NCOR2: variants seen among roughly 807,000 people sequenced by gnomAD.
NCOR2 encodes CTG repeat protein 26.
A neutral mutation model predicts 262.9 loss-of-function variants in NCOR2; 81 were observed. The ratio of observed to expected loss-of-function variants is 0.31; its 90% confidence interval spans 0.26 to 0.37. The LOEUF is 0.37. Among genes scored for constraint, NCOR2 ranks in the 10% least tolerant of loss-of-function variants. NCOR2 has a pLI of 1.00. For synonymous variants in NCOR2, 1,659 were observed against 1,559.3 expected, an observed-to-expected ratio of 1.06 and a Z score of -1.51; for missense variants, 3,385 against 3,621.4, an observed-to-expected ratio of 0.93 and a Z score of 1.68.
exon 24 of NCOR2, chr12:124,355,516 T>A: frequency 6.2e-7 from 1 of 1,606,032 alleles, no homozygotes; most frequent in South Asian, 1.1e-5. Context: ...AGATGGTGGG[T>A]GGGCGCGGCA....
chr12:124,364,563 G>A (rs1276530316), intron 20 of NCOR2, among the ~76,000 whole-genome samples: 2 of 152,214 alleles, frequency 1.3e-5, no homozygotes, highest in Non-Finnish European at 2.9e-5. Context: ...ACCAGAGGCC[G>A]ACACAGGGTA....
At chr12:124,448,834 TG>T (rs2045349505) in intron 7 of NCOR2, among the ~76,000 whole-genome samples, 1 of 152,182 alleles carries the variant, frequency 6.6e-6, no homozygotes, top group Non-Finnish European at 1.5e-5. Context: ...CAGGAACGCT[TG>T]AACAATCGGA....
At chr12:124,343,173 G>C in exon 33 of NCOR2, 1 of 1,609,986 alleles carries the variant, frequency 6.2e-7, no homozygotes, top group Non-Finnish European at 8.5e-7. Flanking sequence ...GCGATCTCAC[G>C]AGGCGTCGAC....
At chr12:124,339,469 G>A (rs185877707) in intron 37 of NCOR2, among the ~76,000 whole-genome samples, 16 of 85,470 alleles carry the variant, frequency 1.9e-4, no homozygotes, top group South Asian at 4.5e-4. Context: ...CCTACCTAAC[G>A]TGACCACCCA....
chr12:124,409,236 T>G (rs1428500564), intron 13 of NCOR2, among the ~76,000 whole-genome samples: 1 of 152,242 alleles, frequency 6.6e-6, no homozygotes, highest in South Asian at 2.1e-4. Context: ...CAGTCCCTGC[T>G]CCTGCTCTGA....
intron 5 of NCOR2, among the ~76,000 whole-genome samples, chr12:124,464,700 C>CCCCTTTAGT (rs1449380135): frequency 1.1e-4 from 16 of 152,316 alleles, no homozygotes; most frequent in African/African-American, 3.4e-4. Context: ...TAGGAAATTA[C>CCCCTTTAGT]CCCTTTAGTC....
intron 1 of NCOR2, among the ~76,000 whole-genome samples, chr12:124,533,950 T>C (rs1259262843): frequency 1.3e-5 from 2 of 148,660 alleles, no homozygotes; most frequent in Non-Finnish European, 3.0e-5. Flanking sequence ...TTTTTTTTAG[T>C]TCATCAGCTA....
chr12:124,375,502 A>G (rs1158757958), intron 18 of NCOR2, among the ~76,000 whole-genome samples: 1 of 152,040 alleles, frequency 6.6e-6, no homozygotes, highest in Admixed American at 6.6e-5. Context: ...CCCAGGGAAC[A>G]CTCTGCCACC....
At position 124,528,500 on chromosome 12, in the gene NCOR2, TC is replaced by T. The variant is rs781750351; in HGVS notation, c.-118+7064del. ...TGCTCCTCCCTTGCCCCAAAATAGCTCCCCGGAAGGCAGGTGTGGTTTTGCC... is the reference window on the plus strand; with the variant it reads ...TGCTCCTCCCTTGCCCCAAAATAGCTCCCGGAAGGCAGGTGTGGTTTTGCC... On this transcript the variant is annotated intron_variant, in intron 1 of 46. Coordinates refer to the NCOR2 transcript ENST00000404621. 3.3e-4 allele frequency among the ~76,000 whole-genome samples: 50 copies of T among 151,914 alleles called. 1 individual carries two copies. Among genetic ancestry groups the T allele is most frequent in the Non-Finnish European group, 4.9e-4 (33 of 67,978 alleles).
exon 9 of NCOR2, chr12:124,430,674 G>A (rs2043860036): frequency 6.2e-7 from 1 of 1,613,996 alleles, no homozygotes; most frequent in Non-Finnish European, 8.5e-7. Context: ...GCTTCTCGTA[G>A]TACTCGCGCA....
intron 20 of NCOR2, among the ~76,000 whole-genome samples, chr12:124,367,112 A>C (rs1000004914): frequency 2.0e-5 from 3 of 152,206 alleles, no homozygotes; most frequent in Non-Finnish European, 4.4e-5. Flanking sequence ...TGTCCCATGC[A>C]GTCTGCCCGA....
intron 3 of NCOR2, among the ~76,000 whole-genome samples, chr12:124,476,483 G>A (rs894162333): frequency 6.6e-6 from 1 of 152,168 alleles, no homozygotes; most frequent in Non-Finnish European, 1.5e-5. Flanking sequence ...AGGGCTATGG[G>A]GGCCAGGCCA....
rs1166427435 is a variant in NCOR2 at position 124,476,852 on chromosome 12, G to GC, written c.412-3722dup. 3.3e-5 allele frequency among the ~76,000 whole-genome samples: 5 copies of GC among 150,994 alleles called. No individual in the cohort carries two copies. The South Asian group carries it at 6.3e-4, about 19-fold the overall frequency. ...AGGCCGAGGCAGGAGGATTGCTTGAGCCCAGGAGTTCAAGACCGCCTGGGC... is the reference window on the plus strand; with the variant it reads ...AGGCCGAGGCAGGAGGATTGCTTGAGCCCCAGGAGTTCAAGACCGCCTGGGC... On this transcript the variant is annotated intron_variant, in intron 3 of 46. Transcript: ENST00000405201.
chr12:124,425,913 G>A (rs562062334), intron 11 of NCOR2, among the ~76,000 whole-genome samples: 3 of 152,294 alleles, frequency 2.0e-5, no homozygotes, highest in African/African-American at 7.2e-5. Flanking sequence ...AGGGACAGGA[G>A]GGGGAAAATG....
rs749177048 is a variant in NCOR2 at position 124,335,559 on chromosome 12, G to A, written c.6189C>T (p.His2063=). ...CCAGGTGCTTGGGGAGCCCCTTGTC[G>A]TGGGTCAGACTGGGTGAGCTCACAG... is the stretch of plus-strand genomic sequence containing the variant. Residue 2063 remains histidine, a synonymous_variant, in exon 39 of 47, where the codon CAC becomes CAT. Coordinates refer to ENST00000405201, the Ensembl canonical transcript of NCOR2. 1.9e-5 allele frequency: 30 copies of A among 1,609,416 alleles called. No individual in the cohort carries two copies. The East Asian group carries it at 4.5e-4, about 24-fold the overall frequency.
chr12:124,487,515 C>A (rs973331707), intron 1 of NCOR2, among the ~76,000 whole-genome samples: 3 of 152,234 alleles, frequency 2.0e-5, no homozygotes, highest in Non-Finnish European at 4.4e-5. Flanking sequence ...CTTGGCCTTG[C>A]GGGGCTCTGC....
rs200244806 is a variant in NCOR2 at position 124,479,242 on chromosome 12, GCA to G, written c.411+4352_411+4353del. The stretch of plus-strand genomic sequence containing the variant: ...AACACATGCACACACACGTGCACAT[GCA>G]CACACACGCACACACAAACACACGC... On this transcript the variant is annotated intron_variant, in intron 3 of 46. Transcript: ENST00000405201. 6.6e-3 allele frequency among the ~76,000 whole-genome samples: 1,010 copies of G among 151,996 alleles called. 16 individuals are homozygous for G. Among genetic ancestry groups the G allele is most frequent in the African/African-American group, 0.021 (864 of 41,454 alleles).
At chr12:124,556,320 G>A (rs1241683808) in intron 1 of NCOR2, 1 of 152,424 alleles carries the variant, frequency 6.6e-6, no homozygotes, top group Non-Finnish European at 1.5e-5. Flanking sequence ...ACGGGCACCA[G>A]GGCACGAGGC....
At chr12:124,334,005 CAT>C (rs753671529) in intron 41 of NCOR2, among the ~76,000 whole-genome samples, 13 of 152,008 alleles carry the variant, frequency 8.6e-5, no homozygotes, top group Non-Finnish European at 1.3e-4. Context: ...TGTGTGTGCG[CAT>C]GTGTGTGGGT....
Sources: gnomAD v4.1 joint callset for allele counts (sites outside exome capture counted in the v4.1 genomes callset) on GRCh38, gnomAD v4.1.1 for gene constraint, MANE v1.5 for transcripts, NCBI Gene and HGNC (gene_info 2026-07-23, HGNC 2026-07-21) for gene names.